ARHGAP15: variants seen among roughly 807,000 people sequenced by gnomAD.
ARHGAP15 encodes rho GTPase-activating protein 15.
A neutral mutation model predicts 63.7 loss-of-function variants in ARHGAP15; 51 were observed. The observed-to-expected ratio is 0.80, with a 90% confidence interval of 0.64 to 1.01. ARHGAP15 has a LOEUF of 1.01. Among genes scored for constraint, ARHGAP15 ranks in the 50% least tolerant of loss-of-function variants. The pLI is 0.00. For synonymous variants in ARHGAP15, 191 were observed against 193.8 expected, an observed-to-expected ratio of 0.99 and a Z score of 0.12; for missense variants, 560 against 564.6, an observed-to-expected ratio of 0.99 and a Z score of 0.08.
chr2:143,742,092 C>T (rs949640434), intron 13 of ARHGAP15, among the ~76,000 whole-genome samples: 2 of 152,162 alleles, frequency 1.3e-5, no homozygotes, highest in Non-Finnish European at 2.9e-5. Flanking sequence ...TGACCATGCC[C>T]ATGATTTGTC....
At chr2:143,286,947 T>G (rs1287647790) in intron 6 of ARHGAP15, among the ~76,000 whole-genome samples, 1 of 152,144 alleles carries the variant, frequency 6.6e-6, no homozygotes, top group East Asian at 1.9e-4. Context: ...GTATATGGAC[T>G]GTTGTTGGCC....
intron 13 of ARHGAP15, among the ~76,000 whole-genome samples, chr2:143,764,349 G>T (rs1009698135): frequency 6.6e-6 from 1 of 152,074 alleles, no homozygotes; most frequent in African/African-American, 2.4e-5. Context: ...ACTCAGACAC[G>T]CAGCTCTAGC....
chr2:143,641,035 A>G (rs959282203), intron 12 of ARHGAP15: 8 of 152,142 alleles, frequency 5.3e-5, no homozygotes, highest in African/African-American at 1.4e-4. Context: ...ATCATCATGA[A>G]GTTTGTGATG....
At chr2:143,641,945 A>T (rs1680620573) in intron 12 of ARHGAP15, among the ~76,000 whole-genome samples, 2 of 152,120 alleles carry the variant, frequency 1.3e-5, no homozygotes, top group Non-Finnish European at 2.9e-5. Context: ...AAAAATGTAG[A>T]AGTATGTGTA....
intron 1 of ARHGAP15, among the ~76,000 whole-genome samples, chr2:143,140,644 A>T (rs1283628068): frequency 1.3e-5 from 2 of 152,138 alleles, no homozygotes; most frequent in Non-Finnish European, 2.9e-5. Flanking sequence ...GAGAGTATAG[A>T]TTGCTAACCC....
intron 6 of ARHGAP15, among the ~76,000 whole-genome samples, chr2:143,316,162 G>T (rs1326235984): frequency 6.6e-6 from 1 of 151,972 alleles, no homozygotes; most frequent in African/African-American, 2.4e-5. Flanking sequence ...TTCCAGACGG[G>T]GCATTATTTA....
chr2:143,145,738 G>A (rs550187403), intron 1 of ARHGAP15, among the ~76,000 whole-genome samples: 2 of 152,070 alleles, frequency 1.3e-5, no homozygotes, highest in Non-Finnish European at 2.9e-5. Context: ...CACCACGTGT[G>A]GCTAGGAGAG....
chr2:143,456,115 G>A (rs953702338), intron 8 of ARHGAP15, among the ~76,000 whole-genome samples: 2 of 152,116 alleles, frequency 1.3e-5, no homozygotes, highest in East Asian at 3.8e-4. Flanking sequence ...GACGCTGCCA[G>A]AACCTACATT....
At chr2:143,703,734 T>C (rs1684198023) in intron 13 of ARHGAP15, 3 of 454,518 alleles carry the variant, frequency 6.6e-6, no homozygotes, top group Non-Finnish European at 1.2e-5. Flanking sequence ...AACTTATTTT[T>C]CAAGGCCCTT....
At chr2:143,566,944 C>T (rs1696252188) in intron 11 of ARHGAP15, among the ~76,000 whole-genome samples, 2 of 151,704 alleles carry the variant, frequency 1.3e-5, no homozygotes. Context: ...GCCACGATCT[C>T]GGTTCACTGC....
intron 2 of ARHGAP15, among the ~76,000 whole-genome samples, chr2:143,199,857 C>A (rs1692040078): frequency 6.6e-6 from 1 of 152,038 alleles, no homozygotes; most frequent in Non-Finnish European, 1.5e-5. Context: ...ATTTCAGAAT[C>A]TCTGGTGATA....
At chr2:143,444,761 T>C (rs1431042186) in intron 8 of ARHGAP15, among the ~76,000 whole-genome samples, 1 of 152,126 alleles carries the variant, frequency 6.6e-6, no homozygotes, top group Non-Finnish European at 1.5e-5. Context: ...AGTATAGCCC[T>C]CACTAAACAA....
At chr2:143,330,105 A>T (rs1574285562) in intron 6 of ARHGAP15, among the ~76,000 whole-genome samples, 2 of 79,670 alleles carry the variant, frequency 2.5e-5, no homozygotes, top group African/African-American at 9.8e-5. Flanking sequence ...AAAAAAAAAA[A>T]AAAAAAAAAA....
intron 8 of ARHGAP15, among the ~76,000 whole-genome samples, chr2:143,468,363 G>C (rs899367524): frequency 1.3e-5 from 2 of 151,498 alleles, no homozygotes; most frequent in African/African-American, 2.4e-5. Context: ...AATCATTTGT[G>C]GAAAAAAAAG....
intron 13 of ARHGAP15, among the ~76,000 whole-genome samples, chr2:143,743,540 G>C (rs1031076121): frequency 2.0e-5 from 3 of 152,122 alleles, no homozygotes; most frequent in African/African-American, 7.2e-5. Context: ...GTGCCTCTTA[G>C]TTTCTTGCGA....
intron 8 of ARHGAP15, among the ~76,000 whole-genome samples, chr2:143,470,579 G>A (rs1415165209): frequency 6.7e-6 from 1 of 150,290 alleles, no homozygotes; most frequent in Non-Finnish European, 1.5e-5. Flanking sequence ...TAGTGTGTGT[G>A]TGTACATATA....
intron 12 of ARHGAP15, among the ~76,000 whole-genome samples, chr2:143,661,454 G>A (rs1375357694): frequency 6.6e-6 from 1 of 152,140 alleles, no homozygotes; most frequent in South Asian, 2.1e-4. Flanking sequence ...GAGGGAGAAG[G>A]AATAAATGAG....
At position 143,712,112 on chromosome 2, in the gene ARHGAP15, G is replaced by A. The variant is rs528095544; in HGVS notation, c.1244+8588G>A. ...GTAGAATGCTGGTATAGTAGTCCAA[G>A]CTAGAGATCCCCAGCTAAGGGAGTG... On this transcript the variant is annotated intron_variant, in intron 13 of 13. Coordinates refer to ENST00000295095, the MANE Select transcript of ARHGAP15 (RefSeq NM_018460.4). Among the ~76,000 whole-genome samples the A allele has an allele frequency of 5.3e-5, 8 of 152,170 alleles. No homozygotes were observed. The East Asian group carries it at 1.3e-3, about 26-fold the overall frequency.
At chr2:143,472,622 C>G (rs1468611655) in intron 8 of ARHGAP15, among the ~76,000 whole-genome samples, 2 of 151,898 alleles carry the variant, frequency 1.3e-5, no homozygotes, top group Non-Finnish European at 2.9e-5. Flanking sequence ...TTGTTAGCTC[C>G]CAAAGCCTAA....
Sources: gnomAD v4.1 joint callset for allele counts (sites outside exome capture counted in the v4.1 genomes callset) on GRCh38, gnomAD v4.1.1 for gene constraint, MANE v1.5 for transcripts, NCBI Gene and HGNC (gene_info 2026-07-23, HGNC 2026-07-21) for gene names.